PRSS23: variants seen among roughly 807,000 people sequenced by gnomAD.
PRSS23 encodes protease, serine 23.
In PRSS23, 25 loss-of-function variants were observed where a neutral mutation model predicts 34.7. The ratio of observed to expected loss-of-function variants is 0.72; its 90% CI spans 0.53 to 1.01. PRSS23 has a LOEUF of 1.01. Ranked by LOEUF, PRSS23 falls within the 50% of genes least tolerant of loss-of-function variation. PRSS23 has a pLI of 0.00. For missense variants in PRSS23, 445 were observed against 475.6 expected, an observed-to-expected ratio of 0.94 and a Z score of 0.60; for synonymous variants, 176 against 186.6, an observed-to-expected ratio of 0.94 and a Z score of 0.46.
intron 2 of PRSS23, among the ~76,000 whole-genome samples, chr11:86,858,882 C>T (rs539553428): frequency 6.6e-4 from 100 of 151,950 alleles, no homozygotes; most frequent in Middle Eastern, 6.8e-3. Flanking sequence ...CACCCACCCC[C>T]TGTGATATTG....
At chr11:86,932,844 A>G (rs1313084138) in intron 2 of PRSS23, 1 of 152,132 alleles carries the variant, frequency 6.6e-6, no homozygotes, top group Non-Finnish European at 1.5e-5. Context: ...ATTTTTATTA[A>G]TGGGTGTCTG....
chr11:86,808,179 A>T lies in PRSS23; in HGVS notation c.536A>T (p.Asp179Val). The T allele has an allele frequency of 6.2e-7, 1 of 1,614,160 alleles. No homozygotes were observed. The highest frequency in any genetic ancestry group is 1.1e-5 in the South Asian group (1 of 91,086). Residue 179 changes from aspartate to valine, a missense_variant, in exon 2 of 2, where the codon GAT becomes GTT. Transcript: ENST00000280258. Reference sequence around the variant, plus strand: ...CTCACAGCTGCCCACTGCATACACGATGGAAAAACCTATGTGAAAGGAACC... The same window carrying T: ...CTCACAGCTGCCCACTGCATACACGTTGGAAAAACCTATGTGAAAGGAACC... ...HVLTAAHCIH[D>V]GKTYVKGTQK... is the part of the protein sequence containing the mutation.
intron 2 of PRSS23, among the ~76,000 whole-genome samples, chr11:86,940,306 G>GT (rs1204334328): frequency 6.6e-6 from 1 of 152,190 alleles, no homozygotes; most frequent in Non-Finnish European, 1.5e-5. Context: ...GGGGTGTGCT[G>GT]TATCGGGTGT....
chr11:86,798,377 C>A (rs78370086), upstream of PRSS23, among the ~76,000 whole-genome samples: 2,973 of 152,208 alleles, frequency 0.02, 47 homozygotes, highest in Middle Eastern at 0.071. Context: ...GCACAAATAC[C>A]TAAATAATGT....
chr11:86,895,582 T>C (rs1012864882), intron 2 of PRSS23, among the ~76,000 whole-genome samples: 1 of 144,476 alleles, frequency 6.9e-6, no homozygotes, highest in African/African-American at 2.5e-5. Context: ...TGGGCTCAAG[T>C]GATCCTCCCA....
chr11:86,863,491 G>A (rs867647229), intron 2 of PRSS23, among the ~76,000 whole-genome samples: 1 of 152,154 alleles, frequency 6.6e-6, no homozygotes, highest in Non-Finnish European at 1.5e-5. Context: ...TTCAGGATGG[G>A]GGCCAAGAAG....
chr11:86,918,019 T>A (rs927164434), intron 2 of PRSS23, among the ~76,000 whole-genome samples: 1 of 152,232 alleles, frequency 6.6e-6, no homozygotes, highest in African/African-American at 2.4e-5. Flanking sequence ...GTAAAACATT[T>A]ACCCACACTT....
intron 2 of PRSS23, among the ~76,000 whole-genome samples, chr11:86,945,313 T>A (rs77503270): frequency 0.016 from 2,423 of 151,224 alleles, 25 homozygotes; most frequent in South Asian, 0.026. Flanking sequence ...GGCCATCAGA[T>A]TAAGTCAATG....
intron 2 of PRSS23, among the ~76,000 whole-genome samples, chr11:86,938,467 T>G (rs745472987): frequency 7.3e-5 from 11 of 150,780 alleles, no homozygotes; most frequent in African/African-American, 1.7e-4. Context: ...GAGTCCAGCA[T>G]GCAGGAGCAG....
intron 2 of PRSS23, among the ~76,000 whole-genome samples, chr11:86,839,165 G>A (rs1948429269): frequency 6.6e-6 from 1 of 152,088 alleles, no homozygotes; most frequent in South Asian, 2.1e-4. Context: ...GACAGAAGTA[G>A]ACTTCAGAAG....
intron 2 of PRSS23, among the ~76,000 whole-genome samples, chr11:86,883,699 A>T (rs1948784983): frequency 6.6e-6 from 1 of 152,232 alleles, no homozygotes; most frequent in South Asian, 2.1e-4. Flanking sequence ...TCTATTTTTA[A>T]ATATACGTGT....
downstream of PRSS23, among the ~76,000 whole-genome samples, chr11:86,814,072 A>C (rs528052187): frequency 5.3e-5 from 8 of 152,306 alleles, no homozygotes; most frequent in East Asian, 1.2e-3. Flanking sequence ...GGAAAGACTA[A>C]AGGAAGAGAA....
At chr11:86,835,485 T>C (rs1228419316) in intron 2 of PRSS23, among the ~76,000 whole-genome samples, 1 of 152,234 alleles carries the variant, frequency 6.6e-6, no homozygotes, top group Non-Finnish European at 1.5e-5. Flanking sequence ...GGGCCCTCTT[T>C]AGGGCCTGGA....
In PRSS23 at chr11:86,808,579, G is replaced by C; in HGVS notation, c.936G>C (p.Gln312His). 6.2e-7 allele frequency: 1 copy of C among 1,614,204 alleles called. No homozygotes were observed. Among genetic ancestry groups the C allele is most frequent in the Non-Finnish European group, 8.5e-7 (1 of 1,180,044 alleles). Residue 312 changes from glutamine (Q) to histidine (H), a missense_variant, in exon 2 of 2, where the codon CAG (glutamine) becomes CAC (histidine). Gln to His is a conservative substitution (Grantham distance 24). Transcript: ENST00000280258. ...YDLLYQQCDAQPGASGSGVYV... is the reference protein window; with the variant it reads ...YDLLYQQCDAHPGASGSGVYV... ...TGCTCTACCAGCAATGCGATGCCCAGCCAGGGGCCAGCGGGTCTGGGGTCT... is the reference window on the plus strand; with the variant it reads ...TGCTCTACCAGCAATGCGATGCCCACCCAGGGGCCAGCGGGTCTGGGGTCT...
chr11:86,799,018 C>T (rs988763069), upstream of PRSS23, among the ~76,000 whole-genome samples: 1 of 152,134 alleles, frequency 6.6e-6, no homozygotes, highest in Non-Finnish European at 1.5e-5. Context: ...ATTAATGTGA[C>T]ATTTTAAAAG....
At chr11:86,799,625 C>G (rs1184746272), upstream of PRSS23, among the ~76,000 whole-genome samples, 1 of 152,216 alleles carries the variant, frequency 6.6e-6, no homozygotes, top group African/African-American at 2.4e-5. Context: ...TAGGAAGGCT[C>G]TAACACTAGG....
intron 2 of PRSS23, among the ~76,000 whole-genome samples, chr11:86,847,229 C>T (rs2134912861): frequency 6.6e-6 from 1 of 152,298 alleles, no homozygotes; most frequent in Admixed American, 6.5e-5. Flanking sequence ...CCTCCTGTTG[C>T]TAATTCAGAG....
In PRSS23 at chr11:86,792,213, G is replaced by C. The variant is rs533886142; in HGVS notation, c.-14+1018G>C. ...GGTAGGCCTCGGGAGATCAGAGTAGGAAGAGAAGAGGTCAGGGTGCTTCTT... is the reference window on the plus strand; with the variant it reads ...GGTAGGCCTCGGGAGATCAGAGTAGCAAGAGAAGAGGTCAGGGTGCTTCTT... On this transcript the variant is annotated intron_variant, in intron 1 of 1. Transcript: ENST00000527521. 5.7e-4 allele frequency among the ~76,000 whole-genome samples: 62 copies of C among 107,886 alleles called. 2 individuals carry two copies. The highest frequency in any genetic ancestry group is 1.7e-3 in the African/African-American group (57 of 33,022). The allele number at this position is 107,886 out of a possible 152,430, so 70.8% of individuals were successfully genotyped here.
intron 2 of PRSS23, among the ~76,000 whole-genome samples, chr11:86,865,986 G>T (rs1327519556): frequency 6.6e-6 from 1 of 152,150 alleles, no homozygotes; most frequent in Non-Finnish European, 1.5e-5. Context: ...TTACAGATGG[G>T]GATGTCTGGG....
Sources: gnomAD v4.1 joint callset for allele counts (sites outside exome capture counted in the v4.1 genomes callset) on GRCh38, gnomAD v4.1.1 for gene constraint, MANE v1.5 for transcripts, NCBI Gene and HGNC (gene_info 2026-07-23, HGNC 2026-07-21) for gene names.